CNTN3: variants seen among roughly 807,000 people sequenced by gnomAD.
CNTN3 encodes the protein contactin-3.
A neutral mutation model predicts 119.1 loss-of-function variants in CNTN3; 60 were observed. The ratio of observed to expected loss-of-function variants is 0.50; its 90% CI spans 0.41 to 0.62. The LOEUF is 0.62. Among genes scored for constraint, CNTN3 ranks in the 20% least tolerant of loss-of-function variants. The pLI, the probability that CNTN3 is intolerant of heterozygous loss-of-function variation, is 0.00. For missense variants in CNTN3, 1,101 were observed against 1,242.4 expected (o/e 0.89, Z 1.71); for synonymous variants, 450 against 438.7 (o/e 1.03, Z -0.32).
intron 1 of CNTN3, among the ~76,000 whole-genome samples, chr3:74,598,556 C>T (rs537239573): frequency 6.6e-6 from 1 of 151,866 alleles, no homozygotes; most frequent in South Asian, 2.1e-4. Context: ...ACCTCCCTGG[C>T]CCAAGCCATA....
chr3:74,373,176 T>G (rs2106795218), intron 5 of CNTN3, among the ~76,000 whole-genome samples: 1 of 152,352 alleles, frequency 6.6e-6, no homozygotes, highest in East Asian at 1.9e-4. Context: ...ACATTATGGT[T>G]ATTCTCAGGC....
intron 5 of CNTN3, among the ~76,000 whole-genome samples, chr3:74,410,080 A>C (rs1349492920): frequency 3.9e-5 from 6 of 152,162 alleles, no homozygotes; most frequent in Admixed American, 2.0e-4. Flanking sequence ...CACTCATAGA[A>C]AGATTCAGAA....
At chr3:74,408,294 G>A (rs1289547048) in intron 5 of CNTN3, among the ~76,000 whole-genome samples, 2 of 152,170 alleles carry the variant, frequency 1.3e-5, no homozygotes, top group Non-Finnish European at 1.5e-5. Flanking sequence ...TTAAAAAAAA[G>A]GAAAACAAAA....
intron 2 of CNTN3, among the ~76,000 whole-genome samples, chr3:74,504,451 T>C (rs1703217414): frequency 6.6e-6 from 1 of 152,198 alleles, no homozygotes; most frequent in African/African-American, 2.4e-5. Context: ...GAAAAAACTT[T>C]TAAAAGATGG....
At chr3:74,456,565 AT>A (rs1157171477) in intron 4 of CNTN3, among the ~76,000 whole-genome samples, 1 of 152,080 alleles carries the variant, frequency 6.6e-6, no homozygotes, top group Non-Finnish European at 1.5e-5. Flanking sequence ...ACACAAAAAG[AT>A]CATCTGTTCA....
intron 1 of CNTN3, among the ~76,000 whole-genome samples, chr3:74,565,135 C>T (rs1009824486): frequency 1.3e-5 from 2 of 152,158 alleles, no homozygotes; most frequent in African/African-American, 2.4e-5. Context: ...GCTACTATAA[C>T]AAGTTATCAC....
intron 5 of CNTN3, among the ~76,000 whole-genome samples, chr3:74,376,823 C>G (rs1704487122): frequency 1.3e-5 from 2 of 150,530 alleles, no homozygotes; most frequent in South Asian, 4.2e-4. Context: ...GAAATTCACA[C>G]AAATAATGAT....
At chr3:74,273,538 C>G (rs968064059) in intron 20 of CNTN3, among the ~76,000 whole-genome samples, 1 of 152,170 alleles carries the variant, frequency 6.6e-6, no homozygotes, top group African/African-American at 2.4e-5. Context: ...ACACATACCC[C>G]CACTGGGGAA....
intron 4 of CNTN3, 115 bp downstream of exon 4, chr3:74,486,341 C>T: frequency 1.1e-6 from 1 of 893,812 alleles, no homozygotes; most frequent in South Asian, 1.7e-5. Context: ...CTTTCTCAGT[C>T]TATTTACTGA....
At chr3:74,307,839 A>G (rs542203471) in intron 13 of CNTN3, among the ~76,000 whole-genome samples, 53 of 152,350 alleles carry the variant, frequency 3.5e-4, no homozygotes, top group African/African-American at 1.2e-3. Flanking sequence ...AGCAATCTCA[A>G]TGTAAAAGAA....
rs530717379 is a variant in CNTN3 at position 74,402,911 on chromosome 3, G to A, written c.454+21934C>T. 3.9e-5 allele frequency among the ~76,000 whole-genome samples: 6 copies of A among 152,254 alleles called. No individual in the cohort carries two copies. The South Asian group carries it at 1.0e-3, about 26-fold the overall frequency. Reference sequence around the variant, plus strand: ...ACGGCAGAGGGAACAGCTAATGCAAGGGCCCTAACACTGGGCATGGTGCTC... The same window carrying A: ...ACGGCAGAGGGAACAGCTAATGCAAAGGCCCTAACACTGGGCATGGTGCTC... On this transcript the variant is annotated intron_variant, in intron 5 of 22. Transcript: ENST00000263665.
intron 19 of CNTN3, among the ~76,000 whole-genome samples, chr3:74,291,398 T>A (rs1702227458): frequency 6.6e-6 from 1 of 152,222 alleles, no homozygotes; most frequent in Non-Finnish European, 1.5e-5. Context: ...TAACTTGTAA[T>A]CCTTTGGGTA....
chr3:74,302,619 T>C (rs1702481803), intron 14 of CNTN3, 71 bp downstream of exon 14: 1 of 884,894 alleles, frequency 1.1e-6, no homozygotes, highest in Non-Finnish European at 1.9e-6. Flanking sequence ...TATCTCATCA[T>C]GGTTTTTCCT....
At chr3:74,351,754 A>C (rs1052656488) in intron 11 of CNTN3, among the ~76,000 whole-genome samples, 3 of 152,142 alleles carry the variant, frequency 2.0e-5, no homozygotes, top group African/African-American at 7.2e-5. Context: ...AGGGTAGGGT[A>C]TTAGAGAGAG....
Position 74,529,321 on chromosome 3 carries a change from G to A in CNTN3, c.-80-8129C>T, listed in dbSNP as rs529544561. 1.2e-4 allele frequency among the ~76,000 whole-genome samples: 18 copies of A among 151,948 alleles called. No individual in the cohort carries two copies. The South Asian group carries it at 2.5e-3, about 21-fold the overall frequency. On this transcript the variant is annotated intron_variant, in intron 1 of 22. Transcript: ENST00000263665. ...TTTCAAACAGTACAGAGCTCAACAC[G>A]TGGCACTGAAATTTTGTTTGCATAG...
chr3:74,589,284 A>C (rs1298657595), intron 1 of CNTN3, among the ~76,000 whole-genome samples: 11 of 152,158 alleles, frequency 7.2e-5, no homozygotes, highest in Non-Finnish European at 1.3e-4. Flanking sequence ...ACCGCATCAA[A>C]AAGTGGGCAA....
At chr3:74,513,438 A>G (rs577485034) in intron 2 of CNTN3, among the ~76,000 whole-genome samples, 24 of 152,268 alleles carry the variant, frequency 1.6e-4, no homozygotes, top group African/African-American at 4.8e-4. Flanking sequence ...GTAACTAACC[A>G]GAGCCATTTA....
At chr3:74,426,222 C>T (rs1374128671) in intron 4 of CNTN3, among the ~76,000 whole-genome samples, 1 of 151,852 alleles carries the variant, frequency 6.6e-6, no homozygotes, top group East Asian at 1.9e-4. Flanking sequence ...ATAAAAAATG[C>T]CTGTGAAGAA....
At chr3:74,543,261 C>T (rs999899325) in intron 1 of CNTN3, among the ~76,000 whole-genome samples, 12 of 152,138 alleles carry the variant, frequency 7.9e-5, no homozygotes, top group African/African-American at 1.7e-4. Context: ...GAAGATGATG[C>T]GACCAAAAAA....
Sources: allele counts gnomAD v4.1 joint callset (sites outside exome capture counted in the v4.1 genomes callset), GRCh38; gene constraint gnomAD v4.1.1; transcripts MANE v1.5; gene names NCBI Gene and HGNC (gene_info 2026-07-23, HGNC 2026-07-21).